Variants in SLC66A3 observed in about 807,000 individuals in gnomAD.
SLC66A3 encodes solute carrier family 66 member 3.
Under a neutral mutation model 25.5 loss-of-function variants are expected in SLC66A3, and 23 were observed. That is an observed-to-expected ratio of 0.90 (90% confidence interval 0.65 to 1.28). The LOEUF is 1.28. SLC66A3 is among the 50% of genes most tolerant of loss of function. The pLI is 0.00. For missense variants in SLC66A3, 246 were observed against 262.1 expected (o/e 0.94, Z 0.42); for synonymous variants, 108 against 112.6 (o/e 0.96, Z 0.26).
chr2:11,176,687 C>A (rs1335039170), intron 6 of SLC66A3, among the ~76,000 whole-genome samples: 2 of 150,182 alleles, frequency 1.3e-5, no homozygotes, highest in East Asian at 3.9e-4. Flanking sequence ...CGCCACTACG[C>A]CCGGCTAATT....
At chr2:11,168,974 G>A (rs1222675019) in intron 4 of SLC66A3, among the ~76,000 whole-genome samples, 2 of 151,796 alleles carry the variant, frequency 1.3e-5, no homozygotes, top group Non-Finnish European at 2.9e-5. Flanking sequence ...TCTTGTGCCT[G>A]AGCCTCCTGA....
chr2:11,177,062 A>T (rs961806576), intron 6 of SLC66A3, among the ~76,000 whole-genome samples: 33 of 152,180 alleles, frequency 2.2e-4, no homozygotes, highest in Non-Finnish European at 3.1e-4. Flanking sequence ...GTTTTTCAGG[A>T]TGATCTTAAC....
At chr2:11,167,111 C>T (rs1341152382) in intron 4 of SLC66A3, among the ~76,000 whole-genome samples, 1 of 152,172 alleles carries the variant, frequency 6.6e-6, no homozygotes, top group Non-Finnish European at 1.5e-5. Flanking sequence ...TGAGCCTTCA[C>T]CCCTGAGGAA....
chr2:11,164,222 C>T lies in SLC66A3; in HGVS notation c.315C>T (p.Phe105=). Residue 105 remains phenylalanine, a synonymous_variant, in exon 4 of 7, where the codon TTC becomes TTT. Transcript: ENST00000295083. ...PYIAVLVSSW[F]ILALQKWIID... Reference sequence around the variant, plus strand: ...TGGTAAGATTGGTGTCTTCTTGGTTCATCCTTGCCCTGCAGAAGTGGATCA... The same window carrying T: ...TGGTAAGATTGGTGTCTTCTTGGTTTATCCTTGCCCTGCAGAAGTGGATCA... 6.3e-7 allele frequency: 1 copy of T among 1,578,128 alleles called. No individual in the cohort carries two copies. Among genetic ancestry groups the T allele is most frequent in the Non-Finnish European group, 8.6e-7 (1 of 1,164,856 alleles).
intron 4 of SLC66A3, among the ~76,000 whole-genome samples, chr2:11,166,240 T>C (rs979189128): frequency 6.6e-6 from 1 of 152,220 alleles, no homozygotes; most frequent in Non-Finnish European, 1.5e-5. Flanking sequence ...CATAATGGCA[T>C]GTTGGCCTTG....
At chr2:11,169,177 C>A (rs1364677149) in intron 4 of SLC66A3, among the ~76,000 whole-genome samples, 2 of 152,126 alleles carry the variant, frequency 1.3e-5, no homozygotes, top group Non-Finnish European at 2.9e-5. Flanking sequence ...CATAATTCTT[C>A]CTTGTCCAAG....
intron 3 of SLC66A3, 127 bp downstream of exon 3, chr2:11,160,821 A>AAAAAAAT: frequency 1.7e-6 from 1 of 604,424 alleles, no homozygotes; most frequent in Non-Finnish European, 2.2e-6. Flanking sequence ...AAAAAAAAAA[A>AAAAAAAT]TCCCAAATGC....
In SLC66A3 at chr2:11,169,837, C is replaced by CTTTTTTTTTTTT. The variant is rs1186098636; in HGVS notation, c.355-2079_355-2068dup. On this transcript the variant is annotated intron_variant, in intron 4 of 6. Coordinates refer to ENST00000295083, the MANE Select transcript of SLC66A3 (RefSeq NM_152391.5). ...GATTAGAATCACCCTGGATTTCTCT[C>CTTTTTTTTTTTT]TTTTTTTTTTTTTTTTTTTTGAGAC... Among the ~76,000 whole-genome samples, 134 of 89,040 alleles carry CTTTTTTTTTTTT rather than the reference C, an allele frequency of 1.5e-3. 7 individuals are homozygous for CTTTTTTTTTTTT. The highest frequency in any genetic ancestry group is 2.2e-3 in the East Asian group (7 of 3,250). The allele number at this position is 89,040 out of a possible 152,430, so 58.4% of individuals were successfully genotyped here.
chr2:11,171,838 A>C, intron 4 of SLC66A3, 87 bp from the exon 5 acceptor site: 1 of 1,435,420 alleles, frequency 7.0e-7, no homozygotes, highest in South Asian at 1.2e-5. Context: ...AAAGTGCTGG[A>C]ATTACAGGTG....
chr2:11,155,847 G>A (rs1572170751), intron 1 of SLC66A3, among the ~76,000 whole-genome samples, 158 bp downstream of exon 1: 1 of 152,212 alleles, frequency 6.6e-6, no homozygotes, highest in African/African-American at 2.4e-5. Context: ...CTAGGGGCTC[G>A]GGGTGCTCTT....
intron 6 of SLC66A3, among the ~76,000 whole-genome samples, chr2:11,176,350 G>A (rs908829293): frequency 6.6e-6 from 1 of 151,498 alleles, no homozygotes; most frequent in Non-Finnish European, 1.5e-5. Context: ...AGAGTAGCTG[G>A]GATTACAGGC....
In SLC66A3 at chr2:11,161,472, T is replaced by G. The variant is rs1049138904; in HGVS notation, c.296+778T>G. Reference sequence around the variant, plus strand: ...CCACCACACCCAGTTAATTTTTAAATTTTTTGTAGATACGGGGTCTCACTA... The same window carrying G: ...CCACCACACCCAGTTAATTTTTAAAGTTTTTGTAGATACGGGGTCTCACTA... On this transcript the variant is annotated intron_variant, in intron 3 of 6. Transcript: ENST00000295083. 2.0e-5 allele frequency among the ~76,000 whole-genome samples: 3 copies of G among 152,082 alleles called. No homozygotes were observed. The East Asian group carries it at 5.8e-4, about 29-fold the overall frequency.
chr2:11,169,823 C>T (rs540202806), intron 4 of SLC66A3, among the ~76,000 whole-genome samples: 82 of 137,606 alleles, frequency 6.0e-4, no homozygotes, highest in African/African-American at 2.1e-3. Flanking sequence ...ATTAGAATCA[C>T]CCTGGATTTC....
intron 6 of SLC66A3, 77 bp downstream of exon 6, chr2:11,175,086 G>A: frequency 9.1e-7 from 1 of 1,099,262 alleles, no homozygotes; most frequent in East Asian, 2.5e-5. Flanking sequence ...CTGTCTTAGG[G>A]TTTAATGGAT....
chr2:11,159,614 A>G (rs1044054088), intron 1 of SLC66A3, among the ~76,000 whole-genome samples: 1 of 151,960 alleles, frequency 6.6e-6, no homozygotes, highest in African/African-American at 2.4e-5. Flanking sequence ...GAGATTGGAG[A>G]CCCTGGGGGG....
intron 4 of SLC66A3, among the ~76,000 whole-genome samples, chr2:11,168,282 GA>G (rs776255689): frequency 5.5e-3 from 715 of 129,762 alleles, no homozygotes; most frequent in African/African-American, 1.0e-2. Flanking sequence ...GACTCTGTCT[GA>G]AAAAAAAAAA....
intron 3 of SLC66A3, 190 bp downstream of exon 3, chr2:11,160,884 C>T: frequency 1.1e-6 from 1 of 925,380 alleles, no homozygotes; most frequent in Non-Finnish European, 1.6e-6. Context: ...TGCTGCTCCT[C>T]CGAGACCAGC....
intron 6 of SLC66A3, among the ~76,000 whole-genome samples, chr2:11,175,598 A>T (rs1382110554): frequency 6.6e-6 from 1 of 152,212 alleles, no homozygotes; most frequent in Non-Finnish European, 1.5e-5. Context: ...GGCCTACAAG[A>T]ACTGCCTACA....
At chr2:11,157,394 G>A (rs904818385) in intron 1 of SLC66A3, among the ~76,000 whole-genome samples, 2 of 152,240 alleles carry the variant, frequency 1.3e-5, no homozygotes, top group Admixed American at 6.5e-5. Flanking sequence ...CCAAGCCAGG[G>A]CCAGGGCCAG....
Sources: allele counts gnomAD v4.1 joint callset (sites outside exome capture counted in the v4.1 genomes callset), GRCh38; gene constraint gnomAD v4.1.1; transcripts MANE v1.5; gene names NCBI Gene and HGNC (gene_info 2026-07-23, HGNC 2026-07-21).